Variants in CNTN5 observed in about 807,000 individuals in gnomAD.
CNTN5 encodes contactin-5.
CNTN5 carries 77 observed loss-of-function variants against 129.1 expected under a neutral mutation model. The ratio of observed to expected loss-of-function variants is 0.60; its 90% CI spans 0.50 to 0.72. CNTN5 has a LOEUF of 0.72. CNTN5 is among the 30% of genes least tolerant of loss of function. The probability of loss-of-function intolerance (pLI) is 0.00; values close to 1 mark genes in which losing one functional copy is unlikely to be tolerated. For synonymous variants in CNTN5, 509 were observed against 465.6 expected (o/e 1.09, Z -1.20); for missense variants, 1,478 against 1,328.8 (o/e 1.11, Z -1.75).
intron 18 of CNTN5, among the ~76,000 whole-genome samples, chr11:100,290,964 T>G (rs1244167354): frequency 2.0e-5 from 3 of 151,528 alleles, no homozygotes; most frequent in Non-Finnish European, 2.9e-5. Context: ...AACAGACACT[T>G]CTCAAAAGAA....
At chr11:99,317,822 T>C (rs1287894771) in intron 1 of CNTN5, among the ~76,000 whole-genome samples, 2 of 151,554 alleles carry the variant, frequency 1.3e-5, no homozygotes, top group African/African-American at 2.4e-5. Context: ...ATTAACTTAC[T>C]GTAAAAAAAA....
At chr11:99,213,497 T>TATATAC (rs1859951356) in intron 1 of CNTN5, among the ~76,000 whole-genome samples, 3 of 145,606 alleles carry the variant, frequency 2.1e-5, no homozygotes, top group Admixed American at 7.0e-5. Context: ...TATATATATA[T>TATATAC]ACACATATAT....
At chr11:99,966,102 T>C (rs981089432) in intron 8 of CNTN5, among the ~76,000 whole-genome samples, 2 of 152,172 alleles carry the variant, frequency 1.3e-5, no homozygotes, top group East Asian at 3.9e-4. Flanking sequence ...TTATCTTTAA[T>C]CTGCTGTGAC....
intron 2 of CNTN5, among the ~76,000 whole-genome samples, chr11:99,412,213 A>G (rs1942428404): frequency 6.6e-6 from 1 of 152,202 alleles, no homozygotes; most frequent in Non-Finnish European, 1.5e-5. Context: ...AGAATATTGT[A>G]GTATAATTCT....
intron 1 of CNTN5, among the ~76,000 whole-genome samples, chr11:99,133,153 G>A (rs10892802): frequency 0.9 from 137,170 of 151,810 alleles, 62,162 homozygotes; most frequent in East Asian, 0.99. Context: ...CAAACAGTGA[G>A]GAGAGGATTC....
chr11:99,747,442 T>G (rs1380885416), intron 3 of CNTN5, among the ~76,000 whole-genome samples: 3 of 150,566 alleles, frequency 2.0e-5, no homozygotes, highest in Non-Finnish European at 2.9e-5. Flanking sequence ...CATACTATAT[T>G]GAATAGAAGT....
At chr11:99,670,587 C>T (rs1952992114) in intron 3 of CNTN5, among the ~76,000 whole-genome samples, 3 of 152,190 alleles carry the variant, frequency 2.0e-5, no homozygotes, top group South Asian at 4.1e-4. Context: ...AACATCCTTC[C>T]TGATTTAGGC....
chr11:99,911,445 A>G lies in CNTN5; in HGVS notation c.578-4609A>G, dbSNP rs149512750. ...TGGGAAACATAAGTCCAGGAGACAAATCAACCACAGCGTTTTACTTCTAAT... is the reference window on the plus strand; with the variant it reads ...TGGGAAACATAAGTCCAGGAGACAAGTCAACCACAGCGTTTTACTTCTAAT... On this transcript the variant is annotated intron_variant, in intron 6 of 24. Transcript: ENST00000524871. Among the ~76,000 whole-genome samples, 539 of 152,042 alleles carry G rather than the reference A, an allele frequency of 3.5e-3. 7 individuals are homozygous for G. In the Middle Eastern group the frequency reaches 0.037, roughly 11 times the overall value.
At chr11:100,312,002 T>C (rs1294105616) in intron 21 of CNTN5, among the ~76,000 whole-genome samples, 2 of 152,042 alleles carry the variant, frequency 1.3e-5, no homozygotes, top group Non-Finnish European at 2.9e-5. Context: ...CAATGACATT[T>C]TTGAATTAAA....
chr11:99,239,885 C>T (rs61893097), intron 1 of CNTN5, among the ~76,000 whole-genome samples: 14,554 of 147,482 alleles, frequency 0.099, 1,512 homozygotes, highest in East Asian at 0.45. Flanking sequence ...TGCAGTGAGC[C>T]GAGATAGCGC....
intron 13 of CNTN5, among the ~76,000 whole-genome samples, chr11:100,186,774 T>C (rs1948312503): frequency 6.6e-6 from 1 of 152,176 alleles, no homozygotes. Context: ...GAAAATTCTA[T>C]AATGTAGAAG....
At chr11:100,270,235 T>C (rs1007505640) in intron 17 of CNTN5, among the ~76,000 whole-genome samples, 1 of 152,202 alleles carries the variant, frequency 6.6e-6, no homozygotes, top group African/African-American at 2.4e-5. Context: ...GAGATTTTCA[T>C]GGAAAATCCA....
intron 13 of CNTN5, among the ~76,000 whole-genome samples, chr11:100,142,620 C>T (rs1414933614): frequency 6.6e-6 from 1 of 152,278 alleles, no homozygotes; most frequent in African/African-American, 2.4e-5. Context: ...AATCAAAACA[C>T]AGCATCCTAG....
chr11:99,963,460 ATGAT>A (rs1951007251), intron 8 of CNTN5, among the ~76,000 whole-genome samples: 2 of 152,102 alleles, frequency 1.3e-5, no homozygotes, highest in Non-Finnish European at 2.9e-5. Flanking sequence ...CAAAGATCAG[ATGAT>A]TATAGATATG....
intron 2 of CNTN5, among the ~76,000 whole-genome samples, chr11:99,349,425 G>A (rs2136077923): frequency 6.6e-6 from 1 of 152,276 alleles, no homozygotes. Context: ...ATTTATGACA[G>A]ATTTTTTTCC....
At chr11:99,488,707 C>A (rs1006536085) in intron 2 of CNTN5, among the ~76,000 whole-genome samples, 1 of 152,110 alleles carries the variant, frequency 6.6e-6, no homozygotes, top group Non-Finnish European at 1.5e-5. Context: ...GTATACACTG[C>A]AAGAGAAAAC....
At chr11:99,403,526 C>G (rs981661655) in intron 2 of CNTN5, among the ~76,000 whole-genome samples, 1 of 152,066 alleles carries the variant, frequency 6.6e-6, no homozygotes, top group South Asian at 2.1e-4. Context: ...TGCTTTTGCT[C>G]TGTCCCATAG....
intron 3 of CNTN5, among the ~76,000 whole-genome samples, chr11:99,699,350 A>G (rs1954415989): frequency 1.3e-5 from 2 of 151,524 alleles, no homozygotes; most frequent in South Asian, 4.1e-4. Flanking sequence ...AAAATCTAAA[A>G]GTATATGTCC....
intron 21 of CNTN5, chr11:100,337,509 C>G (rs1952060188): frequency 5.4e-6 from 4 of 741,330 alleles, no homozygotes; most frequent in Non-Finnish European, 1.0e-5. Context: ...TCTCAAGAAC[C>G]AGCTCAAACG....
Sources: allele counts gnomAD v4.1 joint callset (sites outside exome capture counted in the v4.1 genomes callset), GRCh38; gene constraint gnomAD v4.1.1; transcripts MANE v1.5; gene names NCBI Gene and HGNC (gene_info 2026-07-23, HGNC 2026-07-21).